PFKL: variants seen among roughly 807,000 people sequenced by gnomAD.
PFKL encodes phosphofructokinase, liver type.
A neutral mutation model predicts 92.1 loss-of-function variants in PFKL; 74 were observed. The observed-to-expected ratio is 0.80, with a 90% CI of 0.67 to 0.97. The LOEUF (loss-of-function observed/expected upper bound fraction) is 0.97, where lower values mean the gene tolerates loss of function less well. PFKL is among the 50% of genes least tolerant of loss of function. PFKL has a pLI of 0.00. For missense variants in PFKL, 1,028 were observed against 1,116.6 expected, an observed-to-expected ratio of 0.92 and a Z score of 1.13; for synonymous variants, 494 against 456.4, an observed-to-expected ratio of 1.08 and a Z score of -1.05.
chr21:44,301,841 AGTTGAGAGCCTGGGGTGGCAC>A (rs1022927921), intron 1 of PFKL, among the ~76,000 whole-genome samples: 23 of 152,270 alleles, frequency 1.5e-4, no homozygotes, highest in African/African-American at 5.5e-4. Context: ...GGGTTGGGAA[AGTTGAGAGCCTGGGGTGGCAC>A]GTGCCCCCCC....
At chr21:44,301,835 T>G (rs2040782108) in intron 1 of PFKL, among the ~76,000 whole-genome samples, 1 of 151,984 alleles carries the variant, frequency 6.6e-6, no homozygotes, top group Non-Finnish European at 1.5e-5. Context: ...AGTGGAGGGT[T>G]GGGAAAGTTG....
Position 44,323,061 on chromosome 21 carries a change from C to T in PFKL, c.1497+12C>T. The T allele has an allele frequency of 1.3e-6, 2 of 1,597,496 alleles. No homozygotes were observed. Among genetic ancestry groups the T allele is most frequent in the Non-Finnish European group, 1.7e-6 (2 of 1,169,548 alleles). On this transcript the variant is annotated intron_variant, in intron 15 of 21. Coordinates refer to ENST00000349048, the MANE Select transcript of PFKL (RefSeq NM_002626.6). The stretch of plus-strand genomic sequence containing the variant: ...TCGGTGGGTTTGAGGTGAGAGCTGC[C>T]CACGGACGAAAAAGCCCCAGGGCAC...
intron 13 of PFKL, 26 bp from the exon 14 acceptor site, chr21:44,322,107 C>CCTT (rs1216818566): frequency 6.3e-7 from 1 of 1,595,228 alleles, no homozygotes; most frequent in African/African-American, 1.3e-5. Flanking sequence ...CAGGCTGGCC[C>CCTT]CTGAAGCTGC....
In PFKL at chr21:44,312,267, A is replaced by C; in HGVS notation, c.400A>C (p.Ser134Arg). The C allele has an allele frequency of 2.5e-6, 4 of 1,595,692 alleles. No individual in the cohort carries two copies. Among genetic ancestry groups the C allele is most frequent in the Non-Finnish European group, 3.4e-6 (4 of 1,172,676 alleles). The change falls in exon 4 of 22, where the codon AGC (serine) becomes CGC (arginine). Residue 134 changes from serine to arginine, a missense_variant. Physicochemically the swap from Ser to Arg is moderately radical, Grantham distance 110 (BLOSUM62 -1). Transcript: ENST00000349048. ...CAACATCTTCCGCAGCGAGTGGGGC[A>C]GCCTGCTGGAGGAGCTGGTGGCGGA... ...GANIFRSEWG[S>R]LLEELVAEGK...
intron 2 of PFKL, among the ~76,000 whole-genome samples, chr21:44,308,843 C>T (rs1022067521): frequency 6.6e-6 from 1 of 151,988 alleles, no homozygotes; most frequent in Non-Finnish European, 1.5e-5. Flanking sequence ...ATTACAGGCG[C>T]GAGCCACTGT....
chr21:44,303,737 T>G (rs1457814851), intron 1 of PFKL, among the ~76,000 whole-genome samples: 1 of 152,176 alleles, frequency 6.6e-6, no homozygotes, highest in Non-Finnish European at 1.5e-5. Context: ...GCTCACTGCT[T>G]TCTTGCCTGG....
At chr21:44,306,016 C>G (rs1333473959) in intron 1 of PFKL, 1 of 1,183,430 alleles carries the variant, frequency 8.5e-7, no homozygotes, top group Non-Finnish European at 1.1e-6. Context: ...TCTCAGTCCC[C>G]CATCTCATTG....
At chr21:44,313,268 C>A in intron 5 of PFKL, 125 bp downstream of exon 5, 1 of 1,073,248 alleles carries the variant, frequency 9.3e-7, no homozygotes, top group Non-Finnish European at 1.3e-6. Flanking sequence ...TCCAGGCCAG[C>A]CGCCCTCAGC....
chr21:44,303,441 A>AAAAAAAACACTTTATCG (rs1568939634), intron 1 of PFKL, among the ~76,000 whole-genome samples: 1 of 97,096 alleles, frequency 1.0e-5, no homozygotes. Context: ...ACCAAAAAAA[A>AAAAAAAACACTTTATCG]AAAAAAAAAA....
In PFKL at chr21:44,312,960, C is replaced by A. The variant is rs1307832281; in HGVS notation, c.428-18C>A. Reference sequence around the variant, plus strand: ...CCAGTGGAGCCTCAGCCAGGTCCTCCTGCTGCTCCTGGCCCAGGTAAGATC... The same window carrying A: ...CCAGTGGAGCCTCAGCCAGGTCCTCATGCTGCTCCTGGCCCAGGTAAGATC... On this transcript the variant is annotated intron_variant, in intron 4 of 21. Transcript: ENST00000349048. The A allele has an allele frequency of 1.2e-6, 2 of 1,611,246 alleles. No individual in the cohort carries two copies. The highest frequency in any genetic ancestry group is 1.7e-6 in the Non-Finnish European group (2 of 1,178,638).
At chr21:44,322,018 G>A (rs2047368580) in intron 13 of PFKL, 115 bp from the exon 14 acceptor site, 2 of 1,453,108 alleles carry the variant, frequency 1.4e-6, no homozygotes, top group East Asian at 2.3e-5. Flanking sequence ...TGGGTACTCA[G>A]CTCTGCCTGC....
rs746385697 is a variant in PFKL at position 44,316,499 on chromosome 21, C to T, written c.911C>T (p.Thr304Met). The stretch of plus-strand genomic sequence containing the variant: ...CTGGGCCACGTGCAGCGGGGAGGGA[C>T]GCCCTCTGCCTTCGACCGGATCCTG... ...TVLGHVQRGG[T>M]PSAFDRILSS... The change falls in exon 9 of 22, where the codon ACG becomes ATG. Residue 304 changes from threonine to methionine, a missense_variant. Physicochemically the swap from Thr to Met is moderately conservative, Grantham distance 81. Transcript: ENST00000349048. 17 of 1,603,646 alleles carry T rather than the reference C, an allele frequency of 1.1e-5. No homozygotes were observed. The highest frequency in any genetic ancestry group is 3.5e-4 in the Middle Eastern group (2 of 5,674).
At chr21:44,306,622 G>GC in intron 1 of PFKL, 59 bp from the exon 2 acceptor site, 2 of 1,477,796 alleles carry the variant, frequency 1.4e-6, no homozygotes, top group Non-Finnish European at 9.3e-7. Flanking sequence ...GAGATGGGGA[G>GC]GGTGTCCAGG....
chr21:44,327,084 C>T lies in PFKL; in HGVS notation c.*222C>T, dbSNP rs1477088051. On this transcript the variant is annotated 3_prime_UTR_variant, in exon 22 of 22. Transcript: ENST00000349048. The stretch of plus-strand genomic sequence containing the variant: ...GCCCTCCAGCAGGAGGACAGAGTGC[C>T]CTGGGGCATCCACCTTCCTGCCCAG... 1 of 582,906 alleles carries T rather than the reference C, an allele frequency of 1.7e-6. No individual in the cohort carries two copies. The highest frequency in any genetic ancestry group is 3.1e-6 in the Non-Finnish European group (1 of 325,460). 36.1% of individuals were successfully genotyped at this position (582,906 alleles called of 1,614,324 possible). A position where few individuals can be genotyped will look rare whatever the true frequency, so the allele number is the denominator to read the frequency against.
In PFKL at chr21:44,326,628, C is replaced by CG. The variant is rs57141553; in HGVS notation, c.2196-79dup. ...GAGGGGCATGCACAGGCTGCAGGGT[C>CG]GGGGGGGGTGGGGGGGCTGGGGACG... is the stretch of plus-strand genomic sequence containing the variant. On this transcript the variant is annotated intron_variant, in intron 21 of 21. Transcript: ENST00000349048. 5,573 of 1,028,666 alleles carry CG rather than the reference C, an allele frequency of 5.4e-3. 14 individuals carry two copies. Among genetic ancestry groups the CG allele is most frequent in the South Asian group, 0.016 (924 of 59,040 alleles). 63.7% of individuals were successfully genotyped at this position (1,028,666 alleles called of 1,614,324 possible).
intron 10 of PFKL, 126 bp from the exon 11 acceptor site, chr21:44,319,225 C>T: frequency 1.3e-6 from 1 of 773,414 alleles, no homozygotes; most frequent in East Asian, 2.5e-5. Context: ...GAGAGGCTGC[C>T]AGGCCTGGGC....
chr21:44,305,973 T>TC (rs199781299), intron 1 of PFKL: 52 of 1,336,880 alleles, frequency 3.9e-5, no homozygotes, highest in African/African-American at 5.9e-5. Context: ...GGCAGTGCTG[T>TC]TCCCTGGGTG....
chr21:44,313,775 T>A, intron 6 of PFKL, 93 bp downstream of exon 6: 1 of 1,399,086 alleles, frequency 7.1e-7, no homozygotes, highest in Non-Finnish European at 9.9e-7. Context: ...GCTCAGTTAA[T>A]GCCATGGGTG....
intron 2 of PFKL, among the ~76,000 whole-genome samples, chr21:44,310,091 G>A (rs896865756): frequency 6.6e-6 from 1 of 152,220 alleles, no homozygotes; most frequent in Admixed American, 6.5e-5. Context: ...CTCACCTCAC[G>A]GCCTGGAGAA....
Sources: allele counts gnomAD v4.1 joint callset (sites outside exome capture counted in the v4.1 genomes callset), GRCh38; gene constraint gnomAD v4.1.1; transcripts MANE v1.5; gene names NCBI Gene and HGNC (gene_info 2026-07-23, HGNC 2026-07-21).